RETREG1: variants seen among roughly 807,000 people sequenced by gnomAD.
The protein encoded by RETREG1 is family with sequence similarity 134 member B.
Under a neutral mutation model 54.8 loss-of-function variants are expected in RETREG1, and 44 were observed. That is an observed-to-expected ratio of 0.80 (90% CI 0.63 to 1.03). The LOEUF is 1.03. Among genes scored for constraint, RETREG1 ranks in the 50% least tolerant of loss-of-function variants. The pLI, the probability that RETREG1 is intolerant of heterozygous loss-of-function variation, is 0.00. For missense variants in RETREG1, 554 were observed against 605.1 expected (o/e 0.92, Z 0.89); for synonymous variants, 217 against 238.5 (o/e 0.91, Z 0.83).
chr5:16,569,313 T>G (rs1375764471), intron 2 of RETREG1, among the ~76,000 whole-genome samples: 1 of 151,828 alleles, frequency 6.6e-6, no homozygotes, highest in Non-Finnish European at 1.5e-5. Flanking sequence ...TTTTTAATTT[T>G]TCATGCAGTA....
intron 3 of RETREG1, among the ~76,000 whole-genome samples, chr5:16,524,043 A>G (rs951397371): frequency 6.6e-6 from 1 of 152,046 alleles, no homozygotes; most frequent in African/African-American, 2.4e-5. Context: ...CCCGCCTTCC[A>G]TCTGAGCTCA....
At chr5:16,482,370 A>T (rs2126519139) in intron 4 of RETREG1, among the ~76,000 whole-genome samples, 1 of 152,088 alleles carries the variant, frequency 6.6e-6, no homozygotes, top group East Asian at 1.9e-4. Context: ...GAAGTTTAGA[A>T]TCTTCCAAAA....
intron 1 of RETREG1, among the ~76,000 whole-genome samples, chr5:16,575,306 G>T (rs949972372): frequency 6.4e-4 from 97 of 152,158 alleles, no homozygotes; most frequent in African/African-American, 2.3e-3. Context: ...GGCTCACATG[G>T]CATGAGACAG....
chr5:16,515,607 G>A (rs16868716), intron 3 of RETREG1, among the ~76,000 whole-genome samples: 15,287 of 152,122 alleles, frequency 0.1, 869 homozygotes, highest in Non-Finnish European at 0.11. Flanking sequence ...TGCAGTTAAG[G>A]ATCAGGAAGT....
chr5:16,510,818 C>CAAAAAAAAAAAAAAAAAA, intron 3 of RETREG1, among the ~76,000 whole-genome samples: 1 of 75,688 alleles, frequency 1.3e-5, no homozygotes, highest in South Asian at 4.9e-4. Flanking sequence ...ACAACAACAA[C>CAAAAAAAAAAAAAAAAAA]AAAAAAAAAA....
chr5:16,616,595 C>T, intron 1 of RETREG1, 57 bp downstream of exon 1: 2 of 1,540,468 alleles, frequency 1.3e-6, no homozygotes, highest in Non-Finnish European at 1.7e-6. Context: ...CCCGGGGCCC[C>T]GGGCGCCCCA....
intron 3 of RETREG1, among the ~76,000 whole-genome samples, chr5:16,497,854 C>A (rs868544376): frequency 6.6e-6 from 1 of 152,174 alleles, no homozygotes; most frequent in Non-Finnish European, 1.5e-5. Context: ...AGTCATCAAA[C>A]CCTCAACACT....
At chr5:16,520,319 T>G (rs866089808) in intron 3 of RETREG1, among the ~76,000 whole-genome samples, 1 of 79,816 alleles carries the variant, frequency 1.3e-5, no homozygotes, top group Non-Finnish European at 2.6e-5. Context: ...GTTTTGTGGT[T>G]TTTTTTTTGT....
intron 3 of RETREG1, among the ~76,000 whole-genome samples, chr5:16,499,111 A>G (rs1455767297): frequency 6.6e-6 from 1 of 151,518 alleles, no homozygotes; most frequent in East Asian, 1.9e-4. Context: ...GTTAAAAACT[A>G]AGACACAAAC....
intron 1 of RETREG1, among the ~76,000 whole-genome samples, chr5:16,614,972 C>T (rs887208094): frequency 2.0e-5 from 3 of 152,130 alleles, no homozygotes; most frequent in Non-Finnish European, 4.4e-5. Context: ...TGCTGGCCTC[C>T]GTGAGGAAAC....
chr5:16,498,604 CA>C (rs1455080027), intron 3 of RETREG1, among the ~76,000 whole-genome samples: 1 of 152,036 alleles, frequency 6.6e-6, no homozygotes, highest in African/African-American at 2.4e-5. Flanking sequence ...TGCAGCTACT[CA>C]GGGGGCTGAG....
intron 1 of RETREG1, among the ~76,000 whole-genome samples, chr5:16,601,606 G>C (rs971053885): frequency 1.1e-4 from 17 of 152,188 alleles, no homozygotes; most frequent in African/African-American, 4.1e-4. Flanking sequence ...ATGTTGGCCA[G>C]GCTGGTCTCG....
intron 3 of RETREG1, among the ~76,000 whole-genome samples, chr5:16,535,823 CG>C (rs1741053083): frequency 7.7e-6 from 1 of 130,538 alleles, no homozygotes; most frequent in South Asian, 2.7e-4. Flanking sequence ...GCTGCCTTCA[CG>C]AAGTGGGAGC....
intron 8 of RETREG1, 144 bp downstream of exon 8, chr5:16,477,518 T>C: frequency 1.3e-6 from 1 of 782,986 alleles, no homozygotes; most frequent in Non-Finnish European, 2.1e-6. Context: ...GTAGCAAGTA[T>C]CAGGACTTCA....
chr5:16,570,430 T>G (rs1258655291), intron 2 of RETREG1, among the ~76,000 whole-genome samples: 1 of 152,232 alleles, frequency 6.6e-6, no homozygotes, highest in African/African-American at 2.4e-5. Flanking sequence ...ACATGTCTAT[T>G]CCTTATAACT....
intron 3 of RETREG1, among the ~76,000 whole-genome samples, chr5:16,484,685 A>G (rs1738948156): frequency 6.6e-6 from 1 of 152,196 alleles, no homozygotes; most frequent in Admixed American, 6.5e-5. Context: ...GTAAATTACA[A>G]TTCCTTTTTA....
intron 3 of RETREG1, among the ~76,000 whole-genome samples, chr5:16,505,611 G>A (rs909847384): frequency 2.6e-5 from 4 of 152,150 alleles, no homozygotes; most frequent in African/African-American, 7.2e-5. Flanking sequence ...GAAGAGCTCC[G>A]TCTTGGTGCC....
At chr5:16,612,900 T>C (rs1743388545) in intron 1 of RETREG1, among the ~76,000 whole-genome samples, 2 of 152,242 alleles carry the variant, frequency 1.3e-5, no homozygotes, top group Non-Finnish European at 1.5e-5. Context: ...GTTCAGTTCC[T>C]GCACCATTTA....
chr5:16,553,852 C>A (rs1226117259), intron 3 of RETREG1, among the ~76,000 whole-genome samples: 2 of 152,012 alleles, frequency 1.3e-5, no homozygotes, highest in South Asian at 2.1e-4. Flanking sequence ...TACAGGTAGG[C>A]CGACAGACAG....
Sources: allele counts gnomAD v4.1 joint callset (sites outside exome capture counted in the v4.1 genomes callset), GRCh38; gene constraint gnomAD v4.1.1; transcripts MANE v1.5; gene names NCBI Gene and HGNC (gene_info 2026-07-23, HGNC 2026-07-21).